Variants in CA10 observed in about 807,000 individuals in gnomAD.
CA10 encodes the protein carbonic anhydrase 10 (inactive).
Under a neutral mutation model 44.2 loss-of-function variants are expected in CA10, and 14 were observed. That is an observed-to-expected ratio of 0.32 (90% confidence interval 0.21 to 0.50). CA10 has a LOEUF of 0.50. Ranked by LOEUF, CA10 falls within the 20% of genes least tolerant of loss-of-function variation. The pLI is 0.99. For synonymous variants in CA10, 159 were observed against 141.6 expected, an observed-to-expected ratio of 1.12 and a Z score of -0.87; for missense variants, 350 against 409.7, an observed-to-expected ratio of 0.85 and a Z score of 1.26.
In CA10 at chr17:52,072,301, GA is replaced by G. The variant is rs1454567310; in HGVS notation, c.136+17del. On this transcript the variant is annotated intron_variant, in intron 2 of 8. Transcript: ENST00000451037. ...AATTGTTTTTAATAAATAAATTAAA[GA>G]ATTAATGTGTACTTACCTGGAACAA... The G allele has an allele frequency of 6.6e-7, 1 of 1,509,420 alleles. No individual in the cohort carries two copies. The highest frequency in any genetic ancestry group is 2.3e-5 in the East Asian group (1 of 44,352). The allele number at this position is 1,509,420 out of a possible 1,614,324, so 93.5% of individuals were successfully genotyped here. A position where few individuals can be genotyped will look rare whatever the true frequency, so the allele number is the denominator to read the frequency against.
chr17:51,639,479 G>C (rs1912985943), intron 6 of CA10, among the ~76,000 whole-genome samples: 1 of 152,058 alleles, frequency 6.6e-6, no homozygotes. Flanking sequence ...AGAGTCAAAG[G>C]TTATGCTCAG....
intron 3 of CA10, among the ~76,000 whole-genome samples, chr17:51,791,795 C>G (rs1906526989): frequency 6.6e-6 from 1 of 152,146 alleles, no homozygotes; most frequent in Admixed American, 6.5e-5. Flanking sequence ...TCATAGAATT[C>G]TTTCTTTTAA....
intron 2 of CA10, among the ~76,000 whole-genome samples, chr17:52,048,170 C>A (rs1986966359): frequency 6.6e-6 from 1 of 151,854 alleles, no homozygotes; most frequent in Non-Finnish European, 1.5e-5. Flanking sequence ...AAAGTCTTAA[C>A]TTTGGAGTCA....
At chr17:51,917,720 G>A (rs1238281540) in intron 3 of CA10, among the ~76,000 whole-genome samples, 1 of 152,152 alleles carries the variant, frequency 6.6e-6, no homozygotes, top group Non-Finnish European at 1.5e-5. Flanking sequence ...ACAGCACCAA[G>A]AGGATGGCAC....
chr17:51,849,799 G>A (rs1675372871), intron 3 of CA10, among the ~76,000 whole-genome samples: 1 of 152,184 alleles, frequency 6.6e-6, no homozygotes, highest in Non-Finnish European at 1.5e-5. Context: ...TGGGCAATGA[G>A]ATATCACAGC....
At position 51,690,517 on chromosome 17, in the gene CA10, T is replaced by C. The variant is rs116426287; in HGVS notation, c.466-36781A>G. ...TTATCGCTCCCCTATTCCCCATGTG[T>C]CATGGGAGAGGCCTGGTGGGAGGTA... is the stretch of plus-strand genomic sequence containing the variant. On this transcript the variant is annotated intron_variant, in intron 4 of 8. Coordinates refer to ENST00000451037, the MANE Select transcript of CA10 (RefSeq NM_020178.5). 6.8e-3 allele frequency among the ~76,000 whole-genome samples: 1,042 copies of C among 152,318 alleles called. 16 individuals are homozygous for C. The highest frequency in any genetic ancestry group is 0.024 in the African/African-American group (1,005 of 41,564).
chr17:51,864,011 G>C (rs1342484785), intron 3 of CA10, among the ~76,000 whole-genome samples: 1 of 152,030 alleles, frequency 6.6e-6, no homozygotes, highest in Admixed American at 6.6e-5. Context: ...GTTAATATTA[G>C]GCAGCTCAAA....
At position 52,091,365 on chromosome 17, in the gene CA10, A is replaced by ATTTC. The variant is rs1472850701; in HGVS notation, c.62-18976_62-18973dup. Among the ~76,000 whole-genome samples the ATTTC allele has an allele frequency of 3.3e-5, 5 of 152,124 alleles. No homozygotes were observed. The South Asian group carries it at 6.2e-4, about 19-fold the overall frequency. On this transcript the variant is annotated intron_variant, in intron 1 of 8. Coordinates refer to ENST00000451037, the MANE Select transcript of CA10 (RefSeq NM_020178.5). Reference sequence around the variant, plus strand: ...GAGCTTCCCCGAACCAGTGAACTAGATTTCACTGAGGACCCTAACAACTTC... The same window carrying ATTTC: ...GAGCTTCCCCGAACCAGTGAACTAGATTTCTTTCACTGAGGACCCTAACAACTTC...
chr17:52,041,008 A>T (rs764013436), intron 2 of CA10, among the ~76,000 whole-genome samples: 2 of 152,060 alleles, frequency 1.3e-5, no homozygotes, highest in African/African-American at 2.4e-5. Flanking sequence ...TAATACACAC[A>T]ACATCAGGTA....
chr17:52,110,437 A>T lies in CA10; in HGVS notation c.62-38044T>A, dbSNP rs576672430. Among the ~76,000 whole-genome samples, 35 of 152,358 alleles carry T rather than the reference A, an allele frequency of 2.3e-4. 1 individual carries two copies. In the South Asian group the frequency reaches 3.1e-3, roughly 14 times the overall value. On this transcript the variant is annotated intron_variant, in intron 1 of 8. Transcript: ENST00000451037. ...TTCCAATAGGAAAACAGTTATTGTA[A>T]GTATCCAATGACATTTATGCAAATG... is the stretch of plus-strand genomic sequence containing the variant.
intron 2 of CA10, among the ~76,000 whole-genome samples, chr17:52,015,567 C>T (rs1985942100): frequency 1.3e-5 from 2 of 152,012 alleles, no homozygotes; most frequent in South Asian, 4.1e-4. Flanking sequence ...AAGGCAATTG[C>T]CAGAGGCCAA....
At chr17:52,035,915 C>A (rs1335169868) in intron 2 of CA10, among the ~76,000 whole-genome samples, 2 of 152,188 alleles carry the variant, frequency 1.3e-5, no homozygotes, top group African/African-American at 4.8e-5. Context: ...GAAAAACAGG[C>A]CTTGGGTAGG....
intron 3 of CA10, among the ~76,000 whole-genome samples, chr17:51,813,624 G>T (rs1164485247): frequency 6.6e-6 from 1 of 152,162 alleles, no homozygotes; most frequent in African/African-American, 2.4e-5. Flanking sequence ...TGCCTTCTGT[G>T]AAGGGACCTG....
chr17:52,158,106 C>T lies in CA10; in HGVS notation c.-320G>A. On this transcript the variant is annotated 5_prime_UTR_variant, in exon 1 of 9. Coordinates refer to ENST00000451037, the MANE Select transcript of CA10 (RefSeq NM_020178.5). Reference sequence around the variant, plus strand: ...GCGGCGGAAACCGCACTAGCAGCGGCGGCGGCGGCGGCGGCGGCAGCAGCC... The same window carrying T: ...GCGGCGGAAACCGCACTAGCAGCGGTGGCGGCGGCGGCGGCGGCAGCAGCC... The T allele has an allele frequency of 2.2e-6, 1 of 461,566 alleles. No individual in the cohort carries two copies. Among genetic ancestry groups the T allele is most frequent in the Non-Finnish European group, 3.9e-6 (1 of 253,446 alleles). The allele number at this position is 461,566 out of a possible 1,614,324, so 28.6% of individuals were successfully genotyped here. A position where few individuals can be genotyped will look rare whatever the true frequency, so the allele number is the denominator to read the frequency against.
At chr17:51,773,825 A>G (rs1038441951) in intron 3 of CA10, among the ~76,000 whole-genome samples, 3 of 151,742 alleles carry the variant, frequency 2.0e-5, no homozygotes, top group Admixed American at 6.6e-5. Flanking sequence ...TGCTTTCAGA[A>G]CTCTCAGAAG....
chr17:52,099,647 G>A (rs1378153924), intron 1 of CA10, among the ~76,000 whole-genome samples: 2 of 152,198 alleles, frequency 1.3e-5, no homozygotes, highest in Non-Finnish European at 2.9e-5. Context: ...TAAGAGTCCT[G>A]AAGACTCAAT....
At chr17:51,773,208 T>A (rs549098134) in intron 3 of CA10, among the ~76,000 whole-genome samples, 1 of 152,222 alleles carries the variant, frequency 6.6e-6, no homozygotes, top group Non-Finnish European at 1.5e-5. Context: ...GGTTGCTCAG[T>A]GTGTAGAACA....
chr17:51,842,939 G>C (rs1197458775), intron 3 of CA10, among the ~76,000 whole-genome samples: 2 of 152,150 alleles, frequency 1.3e-5, no homozygotes, highest in African/African-American at 4.8e-5. Context: ...GTTGAACAAG[G>C]GGAATGCACA....
At chr17:51,939,059 C>A (rs1982976460) in intron 2 of CA10, among the ~76,000 whole-genome samples, 2 of 151,998 alleles carry the variant, frequency 1.3e-5, no homozygotes, top group Non-Finnish European at 2.9e-5. Flanking sequence ...CTGAGGAAAC[C>A]AGTGTGAAAG....
Sources: allele counts gnomAD v4.1 joint callset (sites outside exome capture counted in the v4.1 genomes callset), GRCh38; gene constraint gnomAD v4.1.1; transcripts MANE v1.5; gene names NCBI Gene and HGNC (gene_info 2026-07-23, HGNC 2026-07-21).